Variants in NCOA1 observed in about 807,000 individuals in gnomAD.
The protein encoded by NCOA1 is nuclear receptor coactivator 1.
Under a neutral mutation model 150.9 loss-of-function variants are expected in NCOA1, and 35 were observed. The observed-to-expected ratio is 0.23, with a 90% CI of 0.18 to 0.31. The LOEUF (loss-of-function observed/expected upper bound fraction) is 0.31. Ranked by LOEUF, NCOA1 falls within the 10% of genes least tolerant of loss-of-function variation. The pLI is 1.00. For missense variants in NCOA1, 1,491 were observed against 1,749.3 expected (o/e 0.85, Z 2.63); for synonymous variants, 590 against 630.0 (o/e 0.94, Z 0.95).
Position 24,729,738 on chromosome 2 carries a change from C to A in NCOA1, c.3124C>A (p.Gln1042Lys). The change falls in exon 17 of 23, where the codon CAA (glutamine) becomes AAA (lysine). Residue 1042 changes from glutamine (Q) to lysine (K), a missense_variant. By Grantham distance (53) the Gln-to-Lys change is moderately conservative (BLOSUM62 1). This residue lies in a region of NCOA1 where 485 missense variants were observed against 522.8 expected (regional missense o/e 0.93). Transcript: ENST00000348332. The part of the protein sequence containing the change: ...FSPGMGMQPR[Q>K]TLNRPPAAPN... The stretch of plus-strand genomic sequence containing the variant: ...ACCTGGCATGGGCATGCAGCCCAGG[C>A]AAACTCTAAACAGACCTCCGGCTGC... The A allele has an allele frequency of 1.2e-6, 2 of 1,614,226 alleles. No homozygotes were observed. The highest frequency in any genetic ancestry group is 1.7e-6 in the Non-Finnish European group (2 of 1,180,034).
chr2:24,750,072 A>G (rs1664140048), intron 19 of NCOA1, among the ~76,000 whole-genome samples: 1 of 152,136 alleles, frequency 6.6e-6, no homozygotes, highest in South Asian at 2.1e-4. Flanking sequence ...TAGATGAGAT[A>G]AACAGCAGAT....
intron 2 of NCOA1, among the ~76,000 whole-genome samples, chr2:24,583,987 G>A (rs1362345893): frequency 6.6e-6 from 1 of 152,008 alleles, no homozygotes; most frequent in East Asian, 1.9e-4. Flanking sequence ...AGCAATGTAG[G>A]GTGACTATCA....
intron 8 of NCOA1, among the ~76,000 whole-genome samples, chr2:24,687,954 G>A (rs1281991145): frequency 1.3e-5 from 2 of 152,134 alleles, no homozygotes; most frequent in Admixed American, 1.3e-4. Flanking sequence ...CCCTCTTTGT[G>A]TCTATGAGTT....
Position 24,756,789 on chromosome 2 carries a change from G to T in NCOA1, c.3882-1184G>T, listed in dbSNP as rs546230068. 1.2e-4 allele frequency among the ~76,000 whole-genome samples: 19 copies of T among 152,262 alleles called. No individual in the cohort carries two copies. The South Asian group carries it at 3.9e-3, about 32-fold the overall frequency. On this transcript the variant is annotated intron_variant, in intron 20 of 22. Transcript: ENST00000348332. ...TCAGGGTTCAAATACAAAGTGTCAA[G>T]TTGAATTCCCATGGAGTTTATTGCT...
At chr2:24,586,873 C>T (rs1027039755) in intron 3 of NCOA1, among the ~76,000 whole-genome samples, 3 of 152,156 alleles carry the variant, frequency 2.0e-5, no homozygotes, top group Non-Finnish European at 4.4e-5. Flanking sequence ...CTAGTCCTTT[C>T]ACTAGTGGCA....
At chr2:24,715,252 C>A (rs1237639149) in intron 14 of NCOA1, among the ~76,000 whole-genome samples, 1 of 152,044 alleles carries the variant, frequency 6.6e-6, no homozygotes, top group African/African-American at 2.4e-5. Context: ...ATGGAAAATT[C>A]TTTTTTCTCA....
chr2:24,604,835 T>G (rs146634728), intron 3 of NCOA1, among the ~76,000 whole-genome samples: 2 of 152,332 alleles, frequency 1.3e-5, no homozygotes, highest in Non-Finnish European at 2.9e-5. Flanking sequence ...GGCTGACTGG[T>G]GTAAGAGGCC....
rs779268493 is a variant in NCOA1 at position 24,564,447 on chromosome 2, T to C, written c.-260+17T>C. 6.6e-6 allele frequency: 1 copy of C among 152,216 alleles called. No homozygotes were observed. Among genetic ancestry groups the C allele is most frequent in the Non-Finnish European group, 1.5e-5 (1 of 68,032 alleles). The allele number at this position is 152,216 out of a possible 1,614,324, so 9.4% of individuals were successfully genotyped here. A position where few individuals can be genotyped will look rare whatever the true frequency, so the allele number is the denominator to read the frequency against. On this transcript the variant is annotated intron_variant, in intron 2 of 22. Transcript: ENST00000348332. Reference sequence around the variant, plus strand: ...TATTCTGAGGTATTTGAGACACAATTTTACTTTAGTTTTGACTCCTTAGTA... The same window carrying C: ...TATTCTGAGGTATTTGAGACACAATCTTACTTTAGTTTTGACTCCTTAGTA...
chr2:24,660,869 G>A (rs1671154240), intron 5 of NCOA1, among the ~76,000 whole-genome samples: 1 of 151,770 alleles, frequency 6.6e-6, no homozygotes, highest in African/African-American at 2.4e-5. Flanking sequence ...AGACCAGCCT[G>A]GCCAACATAG....
chr2:24,710,803 TTTC>T (rs1256908505), intron 13 of NCOA1, 125 bp from the exon 14 acceptor site: 3 of 882,204 alleles, frequency 3.4e-6, no homozygotes, highest in Non-Finnish European at 5.1e-6. Flanking sequence ...ATTCTAATTA[TTTC>T]TTCTTTCTTC....
At chr2:24,558,298 G>A (rs773894878) in intron 1 of NCOA1, among the ~76,000 whole-genome samples, 9 of 152,100 alleles carry the variant, frequency 5.9e-5, no homozygotes, top group Non-Finnish European at 1.3e-4. Context: ...TGTGTGCAAC[G>A]GAAAACTGTA....
At chr2:24,729,381 T>TA in intron 16 of NCOA1, 120 bp from the exon 17 acceptor site, 1 of 958,340 alleles carries the variant, frequency 1.0e-6, no homozygotes, top group South Asian at 1.7e-5. Flanking sequence ...CTTTAGGTAG[T>TA]AAACTTCTGG....
chr2:24,529,149 G>A (rs1337719080), intron 1 of NCOA1, among the ~76,000 whole-genome samples: 1 of 152,212 alleles, frequency 6.6e-6, no homozygotes, highest in Non-Finnish European at 1.5e-5. Context: ...GCCTCCCAAA[G>A]TGTTGGGATT....
chr2:24,560,897 C>G (rs1039928481), intron 1 of NCOA1, among the ~76,000 whole-genome samples: 10 of 152,090 alleles, frequency 6.6e-5, no homozygotes, highest in African/African-American at 2.4e-4. Context: ...GGTTTCTGTG[C>G]TGTTTGGTTT....
At chr2:24,494,711 C>G (rs1435919309) in intron 1 of NCOA1, among the ~76,000 whole-genome samples, 1 of 151,964 alleles carries the variant, frequency 6.6e-6, no homozygotes, top group Non-Finnish European at 1.5e-5. Flanking sequence ...GGTGTGGGCT[C>G]GGGTGAAATC....
rs772970404 is a variant in NCOA1, at chr2:24,768,516, C to CAAAAAAAAAAAA, written c.*139_*150dup. On this transcript the variant is annotated 3_prime_UTR_variant, in exon 23 of 23. Coordinates refer to ENST00000348332, the MANE Select transcript of NCOA1 (RefSeq NM_003743.5). ...ATTCTTCAGGTCGTAGCATTTGGAG[C>CAAAAAAAAAAAA]AAAAAAAAAAAAAAAAAAAAAAAAA... 1.9e-5 allele frequency: 1 copy of CAAAAAAAAAAAA among 52,752 alleles called. No homozygotes were observed. Among genetic ancestry groups the CAAAAAAAAAAAA allele is most frequent in the Non-Finnish European group, 3.7e-5 (1 of 27,338 alleles). The allele number at this position is 52,752 out of a possible 1,614,324, so 3.3% of individuals were successfully genotyped here.
At chr2:24,648,313 G>A (rs975739334) in intron 4 of NCOA1, among the ~76,000 whole-genome samples, 10 of 151,062 alleles carry the variant, frequency 6.6e-5, no homozygotes, top group South Asian at 6.3e-4. Context: ...TCACTGTGTC[G>A]CCCAGGCTGG....
chr2:24,507,744 T>C (rs551883555), intron 1 of NCOA1, among the ~76,000 whole-genome samples: 88 of 152,274 alleles, frequency 5.8e-4, no homozygotes, highest in African/African-American at 2.1e-3. Context: ...TAACTGATTG[T>C]TATTTCTCTC....
At chr2:24,702,425 C>T (rs11125751) in intron 11 of NCOA1, among the ~76,000 whole-genome samples, 116,002 of 151,988 alleles carry the variant, frequency 0.76, 45,864 homozygotes, top group Admixed American at 0.86. Flanking sequence ...CACATTTTTT[C>T]ACCTGCCTAT....
Sources: gnomAD v4.1 joint callset for allele counts (sites outside exome capture counted in the v4.1 genomes callset) on GRCh38, gnomAD v4.1.1 for gene constraint, gnomAD v4.1.1 regional missense constraint, MANE v1.5 for transcripts, NCBI Gene and HGNC (gene_info 2026-07-23, HGNC 2026-07-21) for gene names.